The following TECRL variants were observed in gnomAD, a reference collection of about 807,000 sequenced individuals.
The protein encoded by TECRL is trans-2,3-enoyl-CoA reductase-like.
Under a neutral mutation model 52.8 loss-of-function variants are expected in TECRL, and 63 were observed. That is an observed-to-expected ratio of 1.19 (90% confidence interval 0.97 to 1.47). The LOEUF (loss-of-function observed/expected upper bound fraction) is 1.47. Ranked by LOEUF, TECRL falls within the 40% of genes most tolerant of loss-of-function variation. The pLI, the probability that TECRL is intolerant of heterozygous loss-of-function variation, is 0.00. For synonymous variants in TECRL, 164 were observed against 141.9 expected, an observed-to-expected ratio of 1.16 and a Z score of -1.10; for missense variants, 482 against 429.6, an observed-to-expected ratio of 1.12 and a Z score of -1.08.
intron 1 of TECRL, among the ~76,000 whole-genome samples, chr4:64,381,482 G>A (rs1282141825): frequency 1.3e-5 from 2 of 151,320 alleles, no homozygotes; most frequent in Non-Finnish European, 2.9e-5. Context: ...ATAAAAGGCT[G>A]TCGTTTTCTT....
chr4:64,363,013 T>TAA (rs151006256), intron 2 of TECRL, among the ~76,000 whole-genome samples: 3 of 141,588 alleles, frequency 2.1e-5, no homozygotes, highest in African/African-American at 7.8e-5. Context: ...ATCAGGCACA[T>TAA]AAAAAAAAAA....
chr4:64,397,060 A>C (rs1176064524), intron 1 of TECRL, among the ~76,000 whole-genome samples: 4 of 152,176 alleles, frequency 2.6e-5, no homozygotes, highest in African/African-American at 9.6e-5. Flanking sequence ...CCAGAAATAA[A>C]GCCACACAGC....
intron 8 of TECRL, among the ~76,000 whole-genome samples, chr4:64,292,090 T>A (rs1723423193): frequency 6.6e-6 from 1 of 152,126 alleles, no homozygotes; most frequent in African/African-American, 2.4e-5. Context: ...TATAATTTCC[T>A]TTTAGGTAAA....
At chr4:64,354,591 T>C (rs1720634205) in intron 2 of TECRL, among the ~76,000 whole-genome samples, 1 of 152,168 alleles carries the variant, frequency 6.6e-6, no homozygotes, top group South Asian at 2.1e-4. Flanking sequence ...GCATGATTGT[T>C]GTGATTTTCT....
At chr4:64,301,414 A>T (rs1409384503) in intron 7 of TECRL, among the ~76,000 whole-genome samples, 1 of 151,170 alleles carries the variant, frequency 6.6e-6, no homozygotes, top group African/African-American at 2.4e-5. Context: ...TCTTTTATTT[A>T]TACCTACTAT....
intron 8 of TECRL, chr4:64,298,820 A>C (rs1577826076): frequency 6.6e-6 from 1 of 151,284 alleles, no homozygotes; most frequent in East Asian, 1.9e-4. Flanking sequence ...TTGTTTATCC[A>C]TGAATTTATT....
In TECRL at chr4:64,309,951, A is replaced by G. The variant is rs909552949; in HGVS notation, c.552-20T>C. ...GCCAAGCTGGAAAAAAAAATAAAAC[A>G]TAAACATGAAAATCCTTTTGAAGTT... On this transcript the variant is annotated intron_variant, in intron 5 of 11. Coordinates refer to ENST00000381210, the MANE Select transcript of TECRL (RefSeq NM_001010874.5). 1 of 1,486,802 alleles carries G rather than the reference A, an allele frequency of 6.7e-7. No homozygotes were observed. Among genetic ancestry groups the G allele is most frequent in the Non-Finnish European group, 9.2e-7 (1 of 1,081,844 alleles). The allele number at this position is 1,486,802 out of a possible 1,614,324, so 92.1% of individuals were successfully genotyped here.
Position 64,309,754 on chromosome 4 carries a change from G to A in TECRL, c.657+72C>T, listed in dbSNP as rs896005973. The A allele has an allele frequency of 5.2e-5, 51 of 971,940 alleles. No individual in the cohort carries two copies. The Admixed American group carries it at 7.7e-4, about 15-fold the overall frequency. The allele number at this position is 971,940 out of a possible 1,614,324, so 60.2% of individuals were successfully genotyped here. A position where few individuals can be genotyped will look rare whatever the true frequency, so the allele number is the denominator to read the frequency against. ...AATCTAAGTTTCGGAAGGAAACAAT[G>A]ATTAAATATTTTGCAAAGGATCCAA... On this transcript the variant is annotated intron_variant, in intron 6 of 11. Transcript: ENST00000381210.
chr4:64,347,171 G>A (rs1319711831), intron 2 of TECRL, among the ~76,000 whole-genome samples: 2 of 152,102 alleles, frequency 1.3e-5, no homozygotes, highest in Non-Finnish European at 2.9e-5. Context: ...TCCACTCAAT[G>A]TCATTAATGC....
intron 2 of TECRL, among the ~76,000 whole-genome samples, chr4:64,337,180 T>C (rs1719158852): frequency 6.6e-6 from 1 of 152,160 alleles, no homozygotes. Context: ...AAAAACCACA[T>C]GATTATCTCA....
chr4:64,366,332 C>T (rs1313683049), intron 2 of TECRL, among the ~76,000 whole-genome samples: 1 of 152,046 alleles, frequency 6.6e-6, no homozygotes, highest in African/African-American at 2.4e-5. Context: ...TAGGGTAATA[C>T]CATTCCAGAC....
chr4:64,370,685 TTGA>T (rs1355042587), intron 2 of TECRL, among the ~76,000 whole-genome samples: 1 of 151,798 alleles, frequency 6.6e-6, no homozygotes, highest in Non-Finnish European at 1.5e-5. Flanking sequence ...CTAAACAATT[TTGA>T]TAATATAGAA....
chr4:64,406,182 ATG>A (rs1380038012), intron 1 of TECRL, among the ~76,000 whole-genome samples: 2 of 96,272 alleles, frequency 2.1e-5, no homozygotes, highest in African/African-American at 5.8e-5. Context: ...GTGTGTGTGT[ATG>A]TGTGTAATTA....
intron 6 of TECRL, 100 bp from the exon 7 acceptor site, chr4:64,305,338 C>T (rs2109987173): frequency 5.2e-6 from 5 of 957,922 alleles, no homozygotes; most frequent in Middle Eastern, 3.2e-4. Flanking sequence ...CAATTTGAAA[C>T]CACCACATAC....
At chr4:64,335,206 T>G (rs555317527) in intron 2 of TECRL, among the ~76,000 whole-genome samples, 25 of 152,282 alleles carry the variant, frequency 1.6e-4, no homozygotes, top group Non-Finnish European at 3.2e-4. Flanking sequence ...CATCGGTGTT[T>G]ACAGCCATTC....
chr4:64,308,258 C>T (rs1724454404), intron 6 of TECRL, among the ~76,000 whole-genome samples: 1 of 152,046 alleles, frequency 6.6e-6, no homozygotes, highest in Admixed American at 6.6e-5. Flanking sequence ...TCCTCTTATA[C>T]CAAGATGCTT....
At chr4:64,374,746 CT>C (rs963090658) in intron 2 of TECRL, among the ~76,000 whole-genome samples, 1 of 151,978 alleles carries the variant, frequency 6.6e-6, no homozygotes, top group Non-Finnish European at 1.5e-5. Context: ...TGAACTCATC[CT>C]TTTTTATGGC....
At chr4:64,329,541 T>C (rs556877859) in intron 2 of TECRL, among the ~76,000 whole-genome samples, 2 of 151,972 alleles carry the variant, frequency 1.3e-5, no homozygotes, top group Non-Finnish European at 2.9e-5. Flanking sequence ...ATATTGTATG[T>C]TTTACCTTCT....
intron 8 of TECRL, among the ~76,000 whole-genome samples, chr4:64,296,757 G>C (rs1328503442): frequency 6.6e-6 from 1 of 151,642 alleles, no homozygotes; most frequent in Non-Finnish European, 1.5e-5. Context: ...TGGCTTTTGG[G>C]TGGAATTGGA....
Sources: allele counts gnomAD v4.1 joint callset (sites outside exome capture counted in the v4.1 genomes callset), GRCh38; gene constraint gnomAD v4.1.1; transcripts MANE v1.5; gene names NCBI Gene and HGNC (gene_info 2026-07-23, HGNC 2026-07-21).